Variants in PSPC1 observed in about 807,000 individuals in gnomAD.
PSPC1 encodes paraspeckle component 1.
Under a neutral mutation model 51.6 loss-of-function variants are expected in PSPC1, and 14 were observed. The ratio of observed to expected loss-of-function variants is 0.27; its 90% CI spans 0.18 to 0.42. The LOEUF is 0.42. PSPC1 is among the 10% of genes least tolerant of loss of function. The pLI, the probability that PSPC1 is intolerant of heterozygous loss-of-function variation, is 1.00. For synonymous variants in PSPC1, 193 were observed against 231.9 expected (o/e 0.83, Z 1.53); for missense variants, 406 against 701.1 (o/e 0.58, Z 4.75).
rs780248928 is a variant in PSPC1 at position 19,782,803 on chromosome 13, G to C, written c.-46C>G. The C allele has an allele frequency of 2.0e-6, 3 of 1,488,110 alleles. No homozygotes were observed. Among genetic ancestry groups the C allele is most frequent in the East Asian group, 2.5e-5 (1 of 39,466 alleles). 92.2% of individuals were successfully genotyped at this position (1,488,110 alleles called of 1,614,324 possible). A position where few individuals can be genotyped will look rare whatever the true frequency, so the allele number is the denominator to read the frequency against. ...CACCGGATACAGGCCTAGATTTATA[G>C]ACAGTGTGTCTATATATATGTATAC... On this transcript the variant is annotated 5_prime_UTR_variant, in exon 1 of 9. Coordinates refer to ENST00000338910, the MANE Select transcript of PSPC1 (RefSeq NM_001354909.2). The surrounding 1 kb of genome is among the most constrained non-coding windows in gnomAD (Gnocchi z 4.5).
chr13:19,703,461 T>G (rs3852597), intron 8 of PSPC1, 101 bp from the exon 9 acceptor site: 2 of 1,148,816 alleles, frequency 1.7e-6, no homozygotes, highest in Non-Finnish European at 2.4e-6. Context: ...GGTGGTGTCA[T>G]GAAGTTCGGC....
At chr13:19,750,431 C>CA (rs1286023703) in intron 4 of PSPC1, among the ~76,000 whole-genome samples, 8 of 130,358 alleles carry the variant, frequency 6.1e-5, no homozygotes, top group South Asian at 2.8e-4. Flanking sequence ...GACTCCATCT[C>CA]AAAAAAAACA....
rs1416879636 is a variant in PSPC1 at position 19,772,400 on chromosome 13, T to G, written c.516A>C (p.Leu172=). The G allele has an allele frequency of 1.4e-5, 22 of 1,614,232 alleles. No individual in the cohort carries two copies. The highest frequency in any genetic ancestry group is 1.8e-5 in the Non-Finnish European group (21 of 1,180,046). The part of the protein sequence containing the change: ...NLSPVVSNEL[L]EQAFSQFGPV... ...GACCAAACTGAGAAAATGCTTGCTC[T>G]AGCAGCTCATTGGAAACAACTGGAG... Residue 172 remains leucine, a synonymous_variant, in exon 2 of 9, where the codon CTA becomes CTC. Transcript: ENST00000338910.
chr13:19,694,955 CA>C (rs1766794296), intron 6 of PSPC1, among the ~76,000 whole-genome samples: 1 of 152,218 alleles, frequency 6.6e-6, no homozygotes. Flanking sequence ...CTCTATTACA[CA>C]AATGCTATCA....
intron 3 of PSPC1, 70 bp downstream of exon 3, chr13:19,759,253 A>G (rs756555984): frequency 1.7e-4 from 204 of 1,219,794 alleles, no homozygotes; most frequent in Non-Finnish European, 2.4e-4. Flanking sequence ...TCATAATCCA[A>G]TATTTGAAAA....
chr13:19,755,676 GAC>G (rs1466409020), intron 3 of PSPC1, among the ~76,000 whole-genome samples: 1 of 151,560 alleles, frequency 6.6e-6, no homozygotes, highest in Non-Finnish European at 1.5e-5. Context: ...TTGCTTCCAG[GAC>G]ACAGTCTGAT....
At chr13:19,721,913 C>G (rs1344118547) in intron 6 of PSPC1, among the ~76,000 whole-genome samples, 3 of 152,188 alleles carry the variant, frequency 2.0e-5, no homozygotes, top group Non-Finnish European at 4.4e-5. Flanking sequence ...TACCTCAATG[C>G]CACCTATGTT....
At position 19,768,901 on chromosome 13, in the gene PSPC1, G is replaced by A. The variant is rs573033096; in HGVS notation, c.674+3341C>T. Among the ~76,000 whole-genome samples, 42 of 149,976 alleles carry A rather than the reference G, an allele frequency of 2.8e-4. 1 individual carries two copies. Among genetic ancestry groups the A allele is most frequent in the South Asian group, 1.5e-3 (7 of 4,814 alleles). ...TGTAATCCCAGCGCTTAGGGAAACC[G>A]AAGCAGGTGGATCACTTGAGGCCAG... is the stretch of plus-strand genomic sequence containing the variant. On this transcript the variant is annotated intron_variant, in intron 2 of 8. Transcript: ENST00000338910.
chr13:19,711,822 T>C (rs7336190), intron 6 of PSPC1, among the ~76,000 whole-genome samples: 150,671 of 150,678 alleles, frequency 1, 75,332 homozygotes, highest in Middle Eastern at 1. Flanking sequence ...CCAGCCTGGG[T>C]AACAAGAGCA....
intron 3 of PSPC1, 128 bp downstream of exon 3, chr13:19,759,195 T>C: frequency 1.5e-6 from 1 of 685,396 alleles, no homozygotes; most frequent in South Asian, 2.0e-5. Context: ...GCATTCCATG[T>C]AGACTAGACC....
chr13:19,782,250 G>C lies in PSPC1; in HGVS notation c.372+136C>G. The C allele has an allele frequency of 7.5e-7, 1 of 1,341,372 alleles. No individual in the cohort carries two copies. The highest frequency in any genetic ancestry group is 9.8e-7 in the Non-Finnish European group (1 of 1,020,222). 83.1% of individuals were successfully genotyped at this position (1,341,372 alleles called of 1,614,324 possible). A position where few individuals can be genotyped will look rare whatever the true frequency, so the allele number is the denominator to read the frequency against. On this transcript the variant is annotated intron_variant, in intron 1 of 8. Coordinates refer to ENST00000338910, the MANE Select transcript of PSPC1 (RefSeq NM_001354909.2). This position sits in a 1 kb window ranked among gnomAD's most constrained non-coding sequence, Gnocchi z 4.5. ...GGGAAGCGGCCAACCCCGCACAGAG[G>C]AATCGATGAGGCCGAGCGGCGCCAC... is the stretch of plus-strand genomic sequence containing the variant.
At chr13:19,738,701 T>G (rs1885108591) in intron 5 of PSPC1, among the ~76,000 whole-genome samples, 1 of 151,498 alleles carries the variant, frequency 6.6e-6, no homozygotes, top group Non-Finnish European at 1.5e-5. Flanking sequence ...AGGTCACGAG[T>G]TCGAGACCAT....
At chr13:19,678,400 G>A (rs1876898676) in intron 6 of PSPC1, 1 of 152,474 alleles carries the variant, frequency 6.6e-6, no homozygotes, top group Non-Finnish European at 1.5e-5. Flanking sequence ...AGGTTTATGT[G>A]TACAGTTATC....
intron 6 of PSPC1, among the ~76,000 whole-genome samples, chr13:19,710,452 G>C (rs1430664076): frequency 6.6e-6 from 1 of 152,074 alleles, no homozygotes; most frequent in Non-Finnish European, 1.5e-5. Flanking sequence ...ACAGAAAACT[G>C]TTAAATGTAG....
downstream of PSPC1, among the ~76,000 whole-genome samples, chr13:19,702,299 G>T (rs1303698040): frequency 6.6e-6 from 1 of 152,146 alleles, no homozygotes; most frequent in African/African-American, 2.4e-5. Flanking sequence ...CTCAAGAAAT[G>T]CCTAATTCAC....
At chr13:19,721,878 G>A (rs1312634595) in intron 6 of PSPC1, among the ~76,000 whole-genome samples, 1 of 152,198 alleles carries the variant, frequency 6.6e-6, no homozygotes, top group Non-Finnish European at 1.5e-5. Context: ...CACGTATGAA[G>A]TCTATAAAAA....
rs190068537 is a variant in PSPC1 at position 19,775,065 on chromosome 13, G to A, written c.373-2522C>T. Among the ~76,000 whole-genome samples, 695 of 151,948 alleles carry A rather than the reference G, an allele frequency of 4.6e-3. 5 individuals are homozygous for A. Among genetic ancestry groups the A allele is most frequent in the South Asian group, 0.027 (129 of 4,812 alleles). The stretch of plus-strand genomic sequence containing the variant: ...ATAAAAGAAACTAAATAGGCTGGGC[G>A]CAGTGGCTCATGCCTGTAATCCCAG... On this transcript the variant is annotated intron_variant, in intron 1 of 8. Transcript: ENST00000338910.
At chr13:19,698,134 A>G (rs1879464537), downstream of PSPC1, among the ~76,000 whole-genome samples, 7 of 152,178 alleles carry the variant, frequency 4.6e-5, no homozygotes, top group South Asian at 1.4e-3. Context: ...CCAGTCAGAG[A>G]GAAAACATAA....
At chr13:19,763,990 G>A (rs1184546727) in intron 2 of PSPC1, among the ~76,000 whole-genome samples, 1 of 151,474 alleles carries the variant, frequency 6.6e-6, no homozygotes, top group African/African-American at 2.4e-5. Context: ...GCAGCAGACT[G>A]AAACCCTGTC....
Sources: allele counts gnomAD v4.1 joint callset (sites outside exome capture counted in the v4.1 genomes callset), GRCh38; gene constraint gnomAD v4.1.1; non-coding constraint Gnocchi (gnomAD v3.1); transcripts MANE v1.5; gene names NCBI Gene and HGNC (gene_info 2026-07-23, HGNC 2026-07-21).